The following GRHL2 variants were observed in gnomAD, a reference collection of about 807,000 sequenced individuals.
GRHL2 encodes grainyhead-like protein 2 homolog.
In GRHL2, 21 loss-of-function variants were observed where a neutral mutation model predicts 83.8. The ratio of observed to expected loss-of-function variants is 0.25; its 90% CI spans 0.18 to 0.36. The LOEUF (loss-of-function observed/expected upper bound fraction) is 0.36. GRHL2 is among the 10% of genes least tolerant of loss of function. The pLI is 1.00. For synonymous variants in GRHL2, 280 were observed against 278.9 expected (o/e 1.00, Z -0.04); for missense variants, 623 against 781.8 (o/e 0.80, Z 2.42).
intron 9 of GRHL2, among the ~76,000 whole-genome samples, chr8:101,624,093 A>G (rs899328501): frequency 1.3e-4 from 20 of 151,062 alleles, no homozygotes; most frequent in Admixed American, 3.9e-4. Context: ...GACAGTACAC[A>G]GTAGGACAGT....
At chr8:101,605,968 T>C (rs902397049) in intron 8 of GRHL2, among the ~76,000 whole-genome samples, 3 of 152,214 alleles carry the variant, frequency 2.0e-5, no homozygotes, top group African/African-American at 7.2e-5. Context: ...CTGCACACCT[T>C]TCTTTAGTAT....
intron 14 of GRHL2, among the ~76,000 whole-genome samples, chr8:101,659,766 G>A (rs1357456419): frequency 1.3e-5 from 2 of 152,196 alleles, no homozygotes; most frequent in African/African-American, 2.4e-5. Context: ...CGTTTTGGGG[G>A]AGGAGTGATG....
At chr8:101,538,765 C>T (rs575154395) in intron 1 of GRHL2, among the ~76,000 whole-genome samples, 94 of 152,218 alleles carry the variant, frequency 6.2e-4, no homozygotes, top group African/African-American at 1.7e-3. Flanking sequence ...AGAGATTATT[C>T]TGTTTTTATT....
chr8:101,671,035 G>T (rs1299517005), downstream of GRHL2, among the ~76,000 whole-genome samples: 3 of 152,200 alleles, frequency 2.0e-5, no homozygotes, highest in South Asian at 4.1e-4. Flanking sequence ...GGCACCAAGG[G>T]GGGTGGAGCC....
intron 1 of GRHL2, among the ~76,000 whole-genome samples, chr8:101,526,358 T>C (rs1388356981): frequency 6.6e-6 from 1 of 152,314 alleles, no homozygotes. Flanking sequence ...ACATCATGCA[T>C]TGGCATTTGG....
At chr8:101,531,313 ACT>A (rs1810924968) in intron 1 of GRHL2, among the ~76,000 whole-genome samples, 1 of 151,634 alleles carries the variant, frequency 6.6e-6, no homozygotes, top group African/African-American at 2.4e-5. Flanking sequence ...GTTACTTAAC[ACT>A]CTATTCTCAA....
Position 101,559,351 on chromosome 8 carries a change from T to TGCAAAAAAAAAAAAAAAAA in GRHL2, c.678+539_678+540insGCAAAAAAAAAAAAAAAAA, listed in dbSNP as rs1285229771. ...GGTGAACTCCTGTCTCTACTAAAAA[T>TGCAAAAAAAAAAAAAAAAA]ACAAAAAAAAAAAAAAAAAAAAAAA... On this transcript the variant is annotated intron_variant, in intron 4 of 15. Coordinates refer to ENST00000646743, the MANE Select transcript of GRHL2 (RefSeq NM_024915.4). Among the ~76,000 whole-genome samples the TGCAAAAAAAAAAAAAAAAA allele has an allele frequency of 8.3e-4, 16 of 19,222 alleles. 1 individual carries two copies. The highest frequency in any genetic ancestry group is 3.2e-3 in the East Asian group (2 of 618). The allele number at this position is 19,222 out of a possible 152,430, so 12.6% of individuals were successfully genotyped here.
At chr8:101,604,294 C>T (rs1812584807) in intron 8 of GRHL2, among the ~76,000 whole-genome samples, 1 of 152,272 alleles carries the variant, frequency 6.6e-6, no homozygotes, top group African/African-American at 2.4e-5. Context: ...TATTAAAGGG[C>T]TGTGAGCTCA....
chr8:101,559,919 T>C (rs1586095190), intron 4 of GRHL2, among the ~76,000 whole-genome samples: 1 of 152,240 alleles, frequency 6.6e-6, no homozygotes, highest in Admixed American at 6.5e-5. Flanking sequence ...AAATTTCATG[T>C]AAATGAAGTG....
chr8:101,545,268 T>C (rs1215207062), intron 2 of GRHL2, among the ~76,000 whole-genome samples: 1 of 152,122 alleles, frequency 6.6e-6, no homozygotes, highest in African/African-American at 2.4e-5. Context: ...AGAGCCAGCA[T>C]TGGCAGATTG....
chr8:101,610,507 A>C (rs1343014598), intron 8 of GRHL2, among the ~76,000 whole-genome samples: 5 of 150,894 alleles, frequency 3.3e-5, no homozygotes, highest in Admixed American at 3.3e-4. Context: ...CTTGGAGTTC[A>C]AGAACAGGAC....
In GRHL2 at chr8:101,543,523, G is replaced by C. The variant is rs1811198616; in HGVS notation, c.216+87G>C. ...AAGAAGGAACAGATTGTTTGTCCCA[G>C]GCCAGGGAACTAATAGCATTTCCAA... On this transcript the variant is annotated intron_variant, in intron 2 of 15. Coordinates refer to ENST00000646743, the MANE Select transcript of GRHL2 (RefSeq NM_024915.4). 3.9e-6 allele frequency: 5 copies of C among 1,280,298 alleles called. No individual in the cohort carries two copies. In the East Asian group the frequency reaches 1.2e-4, roughly 30 times the overall value. 79.3% of individuals were successfully genotyped at this position (1,280,298 alleles called of 1,614,324 possible).
intron 8 of GRHL2, among the ~76,000 whole-genome samples, chr8:101,616,775 G>C (rs1812865840): frequency 6.6e-6 from 1 of 152,142 alleles, no homozygotes; most frequent in Non-Finnish European, 1.5e-5. Flanking sequence ...TGAAGCAGGG[G>C]TTTGAGTTTC....
intron 14 of GRHL2, among the ~76,000 whole-genome samples, chr8:101,654,836 C>T (rs1341443671): frequency 6.6e-6 from 1 of 152,140 alleles, no homozygotes; most frequent in African/African-American, 2.4e-5. Context: ...TTCTTATACT[C>T]AGCAGACATT....
chr8:101,558,563 C>G lies in GRHL2; in HGVS notation c.429C>G (p.Phe143Leu). 6 of 1,614,148 alleles carry G rather than the reference C, an allele frequency of 3.7e-6. No individual in the cohort carries two copies. Among genetic ancestry groups the G allele is most frequent in the Non-Finnish European group, 5.1e-6 (6 of 1,180,018 alleles). The change falls in exon 4 of 16, where the codon TTC becomes TTG. Residue 143 changes from phenylalanine to leucine, a missense_variant. Phe to Leu is a conservative substitution (Grantham distance 22). Transcript: ENST00000646743. Reference sequence around the variant, plus strand: ...AGCGGGAACAGTACAGCATCAGCTTCCCCGAGAGCTCTGCCATCATCCCGG... The same window carrying G: ...AGCGGGAACAGTACAGCATCAGCTTGCCCGAGAGCTCTGCCATCATCCCGG... Reference protein sequence around the residue: ...NSKREQYSISFPESSAIIPVS... With the variant: ...NSKREQYSISLPESSAIIPVS...
chr8:101,564,616 G>A (rs1056568657), intron 4 of GRHL2, among the ~76,000 whole-genome samples: 9 of 151,654 alleles, frequency 5.9e-5, no homozygotes, highest in African/African-American at 1.9e-4. Context: ...GACTAGCCTG[G>A]GCAACATAGT....
At chr8:101,613,119 G>T (rs1282418067) in intron 8 of GRHL2, among the ~76,000 whole-genome samples, 1 of 150,676 alleles carries the variant, frequency 6.6e-6, no homozygotes, top group Admixed American at 6.6e-5. Context: ...GTGGTGATCT[G>T]CAGGGACAGC....
At chr8:101,644,317 G>A in intron 13 of GRHL2, 92 bp downstream of exon 13, 1 of 962,050 alleles carries the variant, frequency 1.0e-6, no homozygotes. Flanking sequence ...GGCCCCCATG[G>A]CTCTGTGCCA....
chr8:101,501,673 C>T (rs1263015792), intron 1 of GRHL2, among the ~76,000 whole-genome samples: 2 of 151,952 alleles, frequency 1.3e-5, no homozygotes, highest in Non-Finnish European at 2.9e-5. Context: ...TTTTAATTTG[C>T]AATCTAGAAT....
Sources: allele counts gnomAD v4.1 joint callset (sites outside exome capture counted in the v4.1 genomes callset), GRCh38; gene constraint gnomAD v4.1.1; transcripts MANE v1.5; gene names NCBI Gene and HGNC (gene_info 2026-07-23, HGNC 2026-07-21).